ZNF624: variants seen among roughly 807,000 people sequenced by gnomAD.
The protein encoded by ZNF624 is zinc finger protein 624.
In ZNF624, 43 loss-of-function variants were observed where a neutral mutation model predicts 74.7. That is an observed-to-expected ratio of 0.58 (90% confidence interval 0.45 to 0.74). The LOEUF is 0.74. Among genes scored for constraint, ZNF624 ranks in the 30% least tolerant of loss-of-function variants. The pLI is 0.00. For missense variants in ZNF624, 820 were observed against 1,030.0 expected, an observed-to-expected ratio of 0.80 and a Z score of 2.79; for synonymous variants, 331 against 341.3, an observed-to-expected ratio of 0.97 and a Z score of 0.33.
chr17:16,644,895 C>A (rs1909551428), intron 3 of ZNF624, among the ~76,000 whole-genome samples: 1 of 152,164 alleles, frequency 6.6e-6, no homozygotes, highest in African/African-American at 2.4e-5. Flanking sequence ...GAAATCACAT[C>A]AGAAAGAATG....
chr17:16,623,835 G>A lies in ZNF624; in HGVS notation c.1051C>T (p.Gln351Ter). Residue 351 changes from glutamine (Q) to a stop codon, truncating the protein, a stop_gained, in exon 6 of 6, where the codon CAG (glutamine) becomes TAG (stop). Coordinates refer to ENST00000311331, the MANE Select transcript of ZNF624 (RefSeq NM_020787.4). LOFTEE classifies it high-confidence loss of function. The surrounding 1 kb of genome is among the most constrained non-coding windows in gnomAD (Gnocchi z 5.3). Reference sequence around the variant, plus strand: ...GGTTTCTCTTTAGTGTGAATTCTCTGATGTACCATAAGTGATGAAGAAGCA... The same window carrying A: ...GGTTTCTCTTTAGTGTGAATTCTCTAATGTACCATAAGTGATGAAGAAGCA... ...FIASSSLMVH[Q>*]RIHTKEKPYQ... The A allele has an allele frequency of 6.2e-7, 1 of 1,613,894 alleles. No individual in the cohort carries two copies. The highest frequency in any genetic ancestry group is 8.5e-7 in the Non-Finnish European group (1 of 1,179,990).
intron 5 of ZNF624, among the ~76,000 whole-genome samples, chr17:16,626,281 C>A (rs1021423250): frequency 1.3e-5 from 2 of 152,096 alleles, no homozygotes; most frequent in Non-Finnish European, 2.9e-5. Flanking sequence ...CACTTTTAAG[C>A]AGTATGATTT....
At chr17:16,644,824 T>C (rs1909549681) in intron 3 of ZNF624, among the ~76,000 whole-genome samples, 1 of 152,238 alleles carries the variant, frequency 6.6e-6, no homozygotes, top group African/African-American at 2.4e-5. Context: ...CAACTACTGC[T>C]TTCTTACTCA....
chr17:16,631,425 G>A (rs745389789), intron 5 of ZNF624: 5 of 152,106 alleles, frequency 3.3e-5, no homozygotes, highest in Non-Finnish European at 7.4e-5. Context: ...AAACAGTAAT[G>A]TTTTTAAAAG....
intron 3 of ZNF624, among the ~76,000 whole-genome samples, chr17:16,642,131 T>C (rs1909481590): frequency 1.3e-5 from 2 of 152,212 alleles, no homozygotes; most frequent in African/African-American, 2.4e-5. Flanking sequence ...CATCTGGCTT[T>C]TTTTTTCCTG....
In ZNF624 at chr17:16,623,163, G is replaced by GAT; in HGVS notation, c.1721_1722dup (p.Gln575IlefsTer22). The stretch of plus-strand genomic sequence containing the variant: ...GGTTTCTCTTCAGTATGAATACGCT[G>GAT]ATGTATAATTAGAGAAGAAGAACGC... On this transcript the variant is annotated frameshift_variant, in exon 6 of 6. Transcript: ENST00000311331. LOFTEE classifies it high-confidence loss of function. The surrounding 1 kb of genome is among the most constrained non-coding windows in gnomAD (Gnocchi z 5.3). The GAT allele has an allele frequency of 6.2e-7, 1 of 1,613,852 alleles. No individual in the cohort carries two copies. Among genetic ancestry groups the GAT allele is most frequent in the Non-Finnish European group, 8.5e-7 (1 of 1,179,928 alleles).
chr17:16,634,679 G>C lies in ZNF624; in HGVS notation c.231C>G (p.Asn77Lys). 6.2e-7 allele frequency: 1 copy of C among 1,613,822 alleles called. No individual in the cohort carries two copies. The highest frequency in any genetic ancestry group is 8.5e-7 in the Non-Finnish European group (1 of 1,179,784). ...EWRLMDPTQRNLHKDVMLENY... is the reference protein window; with the variant it reads ...EWRLMDPTQRKLHKDVMLENY... ...TCTCTAGCATCACATCCTTGTGCAG[G>C]TTCCTCTGTGTAGGGTCCATCAACC... Residue 77 changes from asparagine to lysine, a missense_variant, in exon 4 of 6, where the codon AAC becomes AAG. Transcript: ENST00000311331.
chr17:16,643,989 A>G (rs1047943365), intron 3 of ZNF624, among the ~76,000 whole-genome samples: 1 of 152,112 alleles, frequency 6.6e-6, no homozygotes, highest in African/African-American at 2.4e-5. Context: ...CCTCATGGTA[A>G]TGAGTGAGTT....
At chr17:16,619,309 A>G (rs1569038644), downstream of ZNF624, among the ~76,000 whole-genome samples, 1 of 152,228 alleles carries the variant, frequency 6.6e-6, no homozygotes, top group East Asian at 1.9e-4. Context: ...TTAGGAAAAT[A>G]TTTCTTAAAC....
intron 3 of ZNF624, among the ~76,000 whole-genome samples, chr17:16,642,145 TGG>T (rs1281507594): frequency 6.6e-6 from 1 of 152,130 alleles, no homozygotes; most frequent in African/African-American, 2.4e-5. Context: ...TTTCCTGAAA[TGG>T]AAAAGCTGAT....
At chr17:16,630,954 TA>T (rs1269332604) in intron 5 of ZNF624, among the ~76,000 whole-genome samples, 1 of 145,750 alleles carries the variant, frequency 6.9e-6, no homozygotes. Context: ...TTAACAAACT[TA>T]ATCTCCTGAC....
intron 3 of ZNF624, among the ~76,000 whole-genome samples, chr17:16,645,896 G>A (rs750655758): frequency 7.7e-6 from 1 of 130,448 alleles, no homozygotes; most frequent in Non-Finnish European, 1.5e-5. Flanking sequence ...AGGTTGCAGT[G>A]AGCCAAGATT....
intron 1 of ZNF624, among the ~76,000 whole-genome samples, chr17:16,651,197 C>A (rs971753627): frequency 6.6e-6 from 1 of 151,892 alleles, no homozygotes; most frequent in African/African-American, 2.4e-5. Context: ...GAGGCCGAGG[C>A]GGGCAGAGCA....
At chr17:16,628,028 C>CA (rs760721399) in intron 5 of ZNF624, among the ~76,000 whole-genome samples, 2 of 152,076 alleles carry the variant, frequency 1.3e-5, no homozygotes, top group East Asian at 3.9e-4. Flanking sequence ...GAAAGGCCAA[C>CA]AAGGGCAGAT....
At chr17:16,631,439 A>C (rs1162218251) in intron 5 of ZNF624, 2 of 152,226 alleles carry the variant, frequency 1.3e-5, no homozygotes, top group African/African-American at 2.4e-5. Context: ...TTAAAAGCCA[A>C]GTAATGTCAG....
Position 16,624,482 on chromosome 17 carries a change from T to A in ZNF624, c.404A>T (p.Lys135Met), listed in dbSNP as rs1909016257. Residue 135 changes from lysine to methionine, a missense_variant, in exon 6 of 6, where the codon AAG (lysine) becomes ATG (methionine). Transcript: ENST00000311331. ...AGAAATAGCCTTTGTTCGTGTAGCC[T>A]TCTTGGTTGCAGGTTTGGGCTCCAT... ...PDMEPKPATK[K>M]ATRTKAISED... 6.4e-7 allele frequency: 1 copy of A among 1,574,758 alleles called. No homozygotes were observed. The highest frequency in any genetic ancestry group is 2.0e-5 in the Admixed American group (1 of 49,972).
chr17:16,649,816 C>A lies in ZNF624; in HGVS notation c.-2-70G>T. The stretch of plus-strand genomic sequence containing the variant: ...ATTTCAGACTCACCAAGTTGGAATC[C>A]TGACATACAAGTGAGCATGACCTCC... On this transcript the variant is annotated intron_variant, in intron 1 of 5. Transcript: ENST00000311331. The A allele has an allele frequency of 2.4e-6, 3 of 1,275,114 alleles. No individual in the cohort carries two copies. In the South Asian group the frequency reaches 3.7e-5, roughly 16 times the overall value. The allele number at this position is 1,275,114 out of a possible 1,614,324, so 79.0% of individuals were successfully genotyped here. A position where few individuals can be genotyped will look rare whatever the true frequency, so the allele number is the denominator to read the frequency against.
chr17:16,616,048 A>G (rs892546434), downstream of ZNF624, among the ~76,000 whole-genome samples: 2 of 148,644 alleles, frequency 1.3e-5, no homozygotes, highest in African/African-American at 4.9e-5. Context: ...AGAAAATGAA[A>G]TTAAAATAAT....
At chr17:16,643,343 C>T (rs374383701) in intron 3 of ZNF624, among the ~76,000 whole-genome samples, 15 of 152,134 alleles carry the variant, frequency 9.9e-5, no homozygotes, top group African/African-American at 3.6e-4. Context: ...TATTATTTGG[C>T]CATAAAAAGG....
Sources: gnomAD v4.1 joint callset for allele counts (sites outside exome capture counted in the v4.1 genomes callset) on GRCh38, gnomAD v4.1.1 for gene constraint, Gnocchi (gnomAD v3.1) non-coding constraint, MANE v1.5 for transcripts, NCBI Gene and HGNC (gene_info 2026-07-23, HGNC 2026-07-21) for gene names.